Variants in PHF21A observed in about 807,000 individuals in gnomAD.
The protein encoded by PHF21A is PHD finger protein 21A, also known as BHC80a.
A neutral mutation model predicts 82.5 loss-of-function variants in PHF21A; 11 were observed. The ratio of observed to expected loss-of-function variants is 0.13; its 90% CI spans 0.08 to 0.22. PHF21A has a LOEUF of 0.22. Ranked by LOEUF, PHF21A falls within the 10% of genes least tolerant of loss-of-function variation. The pLI, the probability that PHF21A is intolerant of heterozygous loss-of-function variation, is 1.00. For missense variants in PHF21A, 579 were observed against 837.8 expected, an observed-to-expected ratio of 0.69 and a Z score of 3.81; for synonymous variants, 297 against 302.8, an observed-to-expected ratio of 0.98 and a Z score of 0.20.
intron 6 of PHF21A, among the ~76,000 whole-genome samples, chr11:46,033,054 TA>T (rs1169483346): frequency 1.3e-5 from 2 of 152,224 alleles, no homozygotes; most frequent in Non-Finnish European, 2.9e-5. Context: ...ACCACTTATA[TA>T]ATTATCCATA....
intron 6 of PHF21A, among the ~76,000 whole-genome samples, chr11:46,020,019 G>A (rs368526920): frequency 3.3e-5 from 5 of 151,494 alleles, no homozygotes; most frequent in South Asian, 2.1e-4. Flanking sequence ...TCATTATGAA[G>A]AGACCTGAAT....
intron 6 of PHF21A, among the ~76,000 whole-genome samples, chr11:46,015,695 A>G (rs1219828789): frequency 2.6e-5 from 4 of 152,196 alleles, no homozygotes; most frequent in Non-Finnish European, 4.4e-5. Context: ...ATTAAAAACA[A>G]AGACACAAAC....
At chr11:46,043,855 T>G (rs945225559) in intron 6 of PHF21A, among the ~76,000 whole-genome samples, 6 of 152,118 alleles carry the variant, frequency 3.9e-5, no homozygotes, top group African/African-American at 1.4e-4. Context: ...ATTTCACTGT[T>G]TTTCAGACTT....
At chr11:46,025,222 C>G (rs897463870) in intron 6 of PHF21A, among the ~76,000 whole-genome samples, 2 of 152,004 alleles carry the variant, frequency 1.3e-5, no homozygotes, top group Non-Finnish European at 2.9e-5. Context: ...CATCTCCCAA[C>G]AGAGTATGAT....
chr11:46,064,111 AAGG>A (rs2096567521), intron 6 of PHF21A, among the ~76,000 whole-genome samples: 1 of 152,212 alleles, frequency 6.6e-6, no homozygotes, highest in Non-Finnish European at 1.5e-5. Context: ...CTCCACAGGA[AAGG>A]AGTTGTTAAT....
intron 5 of PHF21A, among the ~76,000 whole-genome samples, chr11:46,077,408 T>C (rs1474080492): frequency 6.6e-6 from 1 of 152,232 alleles, no homozygotes; most frequent in South Asian, 2.1e-4. Flanking sequence ...AAAAAAAGAA[T>C]ACTATTTTAG....
At chr11:45,978,898 CT>C (rs1453980487) in intron 7 of PHF21A, among the ~76,000 whole-genome samples, 7 of 152,064 alleles carry the variant, frequency 4.6e-5, no homozygotes, top group African/African-American at 1.7e-4. Flanking sequence ...GCTCCCATTT[CT>C]TTAGTTTTGA....
intron 6 of PHF21A, among the ~76,000 whole-genome samples, chr11:45,981,665 TAGATTATGAATGAAGAA>T (rs1363360458): frequency 1.3e-5 from 2 of 152,024 alleles, no homozygotes; most frequent in African/African-American, 4.8e-5. Context: ...TTTTCTAATA[TAGATTATGAATGAAGAA>T]AAAGAAGTGA....
intron 6 of PHF21A, among the ~76,000 whole-genome samples, chr11:46,000,077 TAC>T (rs2095064049): frequency 6.6e-6 from 1 of 152,194 alleles, no homozygotes. Context: ...CTGAGGACAG[TAC>T]ATTAGCCCTT....
chr11:45,933,971 T>C lies in PHF21A; in HGVS notation c.2043A>G (p.Lys681=). The C allele has an allele frequency of 6.4e-7, 1 of 1,551,956 alleles. No homozygotes were observed. The highest frequency in any genetic ancestry group is 8.7e-7 in the Non-Finnish European group (1 of 1,151,166). ...GGCTTCTCCTAGAGGGGCTCTGTTA[T>C]TTAGTCTCTTCCCCCTGGTTACAGT... ...TANCNQGEET[K] The change falls in exon 19 of 19, where the codon AAA becomes AAG. Residue 681 remains lysine, a synonymous_variant. Transcript: ENST00000676320.
chr11:45,954,853 A>G (rs1010280155), intron 10 of PHF21A, among the ~76,000 whole-genome samples: 1 of 152,242 alleles, frequency 6.6e-6, no homozygotes, highest in Non-Finnish European at 1.5e-5. Flanking sequence ...GGGCTACATG[A>G]GACTTTGGTC....
At chr11:45,999,833 C>G (rs2095054889) in intron 6 of PHF21A, among the ~76,000 whole-genome samples, 1 of 152,146 alleles carries the variant, frequency 6.6e-6, no homozygotes, top group Admixed American at 6.5e-5. Flanking sequence ...GTTCAAGCAC[C>G]TACTGCCTCC....
chr11:46,027,989 C>T (rs1468048219), intron 6 of PHF21A, among the ~76,000 whole-genome samples: 2 of 152,124 alleles, frequency 1.3e-5, no homozygotes, highest in Non-Finnish European at 2.9e-5. Context: ...ATTCATTTCA[C>T]TACAGCCTAA....
chr11:45,937,440 A>G (rs1368005203), intron 16 of PHF21A, among the ~76,000 whole-genome samples: 1 of 152,226 alleles, frequency 6.6e-6, no homozygotes, highest in Non-Finnish European at 1.5e-5. Flanking sequence ...TGAGCCTGAT[A>G]TAACAAAATA....
At chr11:45,968,330 T>C (rs2136003808) in intron 9 of PHF21A, among the ~76,000 whole-genome samples, 1 of 152,310 alleles carries the variant, frequency 6.6e-6, no homozygotes, top group South Asian at 2.1e-4. Flanking sequence ...AGGCCCAGGT[T>C]CTTGCATAGC....
chr11:46,019,756 A>C (rs981420504), intron 6 of PHF21A, among the ~76,000 whole-genome samples: 3 of 152,214 alleles, frequency 2.0e-5, no homozygotes, highest in African/African-American at 7.2e-5. Context: ...TCTGCTTGAC[A>C]GTTAAACAGT....
At chr11:45,934,349 C>CAG in intron 18 of PHF21A, 124 bp from the exon 19 acceptor site, 9 of 996,946 alleles carry the variant, frequency 9.0e-6, no homozygotes, top group South Asian at 1.6e-5. Flanking sequence ...GCTGTGCAGC[C>CAG]CCTGGGCCTT....
At chr11:46,048,696 G>A (rs2096295207) in intron 6 of PHF21A, among the ~76,000 whole-genome samples, 1 of 152,056 alleles carries the variant, frequency 6.6e-6, no homozygotes, top group Admixed American at 6.5e-5. Flanking sequence ...CTTGAACCCG[G>A]GAGGCAGAGG....
At chr11:46,002,999 T>C (rs1256378930) in intron 6 of PHF21A, among the ~76,000 whole-genome samples, 1 of 152,180 alleles carries the variant, frequency 6.6e-6, no homozygotes, top group East Asian at 1.9e-4. Context: ...TTTCTAAAGA[T>C]TGAATACTAT....
Sources: allele counts gnomAD v4.1 joint callset (sites outside exome capture counted in the v4.1 genomes callset), GRCh38; gene constraint gnomAD v4.1.1; transcripts MANE v1.5; gene names NCBI Gene and HGNC (gene_info 2026-07-23, HGNC 2026-07-21).